Variants in MAP3K10 observed in about 807,000 individuals in gnomAD.
MAP3K10 encodes mitogen-activated protein kinase kinase kinase 10, also known as MKN28 derived nonreceptor_type serine/threonine kinase.
In MAP3K10, 22 loss-of-function variants were observed where a neutral mutation model predicts 75.0. The ratio of observed to expected loss-of-function variants is 0.29; its 90% CI spans 0.21 to 0.42. MAP3K10 has a LOEUF of 0.42. Among genes scored for constraint, MAP3K10 ranks in the 10% least tolerant of loss-of-function variants. The probability of loss-of-function intolerance (pLI) is 1.00; values close to 1 mark genes in which losing one functional copy is unlikely to be tolerated. For missense variants in MAP3K10, 1,165 were observed against 1,379.8 expected, an observed-to-expected ratio of 0.84 and a Z score of 2.47; for synonymous variants, 599 against 612.9, an observed-to-expected ratio of 0.98 and a Z score of 0.34.
rs1599895404 is a variant in MAP3K10 at position 40,191,838 on chromosome 19, A to C, written c.-194A>C. 2 of 94,056 alleles carry C rather than the reference A, an allele frequency of 2.1e-5. No individual in the cohort carries two copies. The highest frequency in any genetic ancestry group is 3.6e-4 in the South Asian group (1 of 2,758). The allele number at this position is 94,056 out of a possible 1,614,324, so 5.8% of individuals were successfully genotyped here. A position where few individuals can be genotyped will look rare whatever the true frequency, so the allele number is the denominator to read the frequency against. On this transcript the variant is annotated 5_prime_UTR_variant, in exon 1 of 10. Coordinates refer to ENST00000253055, the MANE Select transcript of MAP3K10 (RefSeq NM_002446.4). ...CCCGCCCCGCCCCGCCCGTACAGCC[A>C]AATCGGAAGGGACGAGCCTGCCCTT...
At chr19:40,206,756 G>A (rs1250582914) in intron 5 of MAP3K10, among the ~76,000 whole-genome samples, 2 of 152,132 alleles carry the variant, frequency 1.3e-5, no homozygotes, top group Non-Finnish European at 2.9e-5. Flanking sequence ...ACTTAGGACA[G>A]TCACTTCTGA....
At position 40,191,581 on chromosome 19, in the gene MAP3K10, C is replaced by G. The variant is rs2145062088; in HGVS notation, c.-451C>G. 6.8e-6 allele frequency among the ~76,000 whole-genome samples: 1 copy of G among 146,936 alleles called. No individual in the cohort carries two copies. Among genetic ancestry groups the G allele is most frequent in the Middle Eastern group, 3.4e-3 (1 of 290 alleles). ...GCCACCCCGGCCCGGGGCGGCCGCC[C>G]CAGGGGCCCCGCCACCCCCGCCCGG... On this transcript the variant is annotated 5_prime_UTR_variant, in exon 1 of 10. Transcript: ENST00000253055.
chr19:40,191,935 C>T lies in MAP3K10; in HGVS notation c.-97C>T, dbSNP rs1972821422. 2.5e-6 allele frequency: 2 copies of T among 791,100 alleles called. No individual in the cohort carries two copies. Among genetic ancestry groups the T allele is most frequent in the African/African-American group, 3.7e-5 (2 of 53,922 alleles). The allele number at this position is 791,100 out of a possible 1,614,324, so 49.0% of individuals were successfully genotyped here. A position where few individuals can be genotyped will look rare whatever the true frequency, so the allele number is the denominator to read the frequency against. On this transcript the variant is annotated 5_prime_UTR_variant, in exon 1 of 10. Transcript: ENST00000253055. ...GCCCTCAGGAGCTCCCTAGACCCCG[C>T]AGGGACTGCCCTCCATCCCGGCCGC...
At chr19:40,209,788 C>T (rs996780398) in intron 6 of MAP3K10, among the ~76,000 whole-genome samples, 2 of 152,028 alleles carry the variant, frequency 1.3e-5, no homozygotes, top group African/African-American at 2.4e-5. Flanking sequence ...ATGTATTAAT[C>T]GGAGTTCTTC....
In MAP3K10 at chr19:40,198,454, G is replaced by A. The variant is rs1037603510; in HGVS notation, c.762G>A (p.Glu254=). 1.2e-6 allele frequency: 2 copies of A among 1,614,080 alleles called. No homozygotes were observed. Among genetic ancestry groups the A allele is most frequent in the Admixed American group, 1.7e-5 (1 of 59,994 alleles). Residue 254 remains glutamate (E), a synonymous_variant, in exon 2 of 10, where the codon GAG becomes GAA. Transcript: ENST00000253055. This position sits in a 1 kb window ranked among gnomAD's most constrained non-coding sequence, Gnocchi z 4.3. The part of the protein sequence containing the change: ...LKITDFGLAR[E]WHKTTKMSAA... ...TCACGGACTTCGGCCTCGCCCGCGA[G>A]TGGCACAAGACCACCAAGATGAGCG...
chr19:40,204,973 T>A lies in MAP3K10; in HGVS notation c.1013-148T>A. The A allele has an allele frequency of 1.3e-6, 1 of 766,192 alleles. No homozygotes were observed. The highest frequency in any genetic ancestry group is 1.7e-5 in the South Asian group (1 of 59,948). The allele number at this position is 766,192 out of a possible 1,614,324, so 47.5% of individuals were successfully genotyped here. The stretch of plus-strand genomic sequence containing the variant: ...CACTGAGTGGAATTGGCCAGGAGCT[T>A]GGCTTTGAATCCCTTCCCCTCAGCT... On this transcript the variant is annotated intron_variant, in intron 3 of 9. Transcript: ENST00000253055. This position sits in a 1 kb window ranked among gnomAD's most constrained non-coding sequence, Gnocchi z 4.3.
At chr19:40,209,595 A>G (rs1973196742) in intron 6 of MAP3K10, among the ~76,000 whole-genome samples, 1 of 151,748 alleles carries the variant, frequency 6.6e-6, no homozygotes, top group Non-Finnish European at 1.5e-5. Flanking sequence ...TGTATTTTTA[A>G]TAGAGATGGG....
At position 40,191,475 on chromosome 19, in the gene MAP3K10, A is replaced by G. The variant is rs1048283991; in HGVS notation, c.-557A>G. Among the ~76,000 whole-genome samples the G allele has an allele frequency of 6.7e-6, 1 of 149,810 alleles. No individual in the cohort carries two copies. Among genetic ancestry groups the G allele is most frequent in the Non-Finnish European group, 1.5e-5 (1 of 67,314 alleles). On this transcript the variant is annotated 5_prime_UTR_variant, in exon 1 of 10. Coordinates refer to ENST00000253055, the MANE Select transcript of MAP3K10 (RefSeq NM_002446.4). ...CGGGGAAGCAGCACGGGCGGGGGGC[A>G]GGGGCTGGGGCCGACCGGGAGGCCG... is the stretch of plus-strand genomic sequence containing the variant.
Position 40,213,903 on chromosome 19 carries a change from C to T in MAP3K10, c.2224C>T (p.Pro742Ser), listed in dbSNP as rs759718380. 3.1e-5 allele frequency: 47 copies of T among 1,504,146 alleles called. No individual in the cohort carries two copies. The highest frequency in any genetic ancestry group is 4.0e-5 in the Non-Finnish European group (45 of 1,133,672). The allele number at this position is 1,504,146 out of a possible 1,614,324, so 93.2% of individuals were successfully genotyped here. Residue 742 changes from proline (P) to serine (S), a missense_variant, in exon 9 of 10, where the codon CCC becomes TCC. By Grantham distance (74) the Pro-to-Ser change is moderately conservative. This residue lies in a region of MAP3K10 where 590 missense variants were observed against 586.6 expected (regional missense o/e 1.01). Transcript: ENST00000253055. The surrounding 1 kb of genome is among the most constrained non-coding windows in gnomAD (Gnocchi z 5.7). ...EDVGPGLGLA[P>S]SATLVSLSSV... ...CGTGGGCCCCGGCCTGGGCCTGGCG[C>T]CCTCGGCCACCCTCGTGTCGCTGTC...
intron 1 of MAP3K10, among the ~76,000 whole-genome samples, chr19:40,196,210 C>G (rs758128480): frequency 2.0e-5 from 3 of 152,058 alleles, no homozygotes; most frequent in Non-Finnish European, 4.4e-5. Flanking sequence ...TTTGGAGCCT[C>G]TATGTGATAG....
At chr19:40,214,768 C>A (rs971799969) in intron 9 of MAP3K10, among the ~76,000 whole-genome samples, 1 of 152,114 alleles carries the variant, frequency 6.6e-6, no homozygotes, top group Non-Finnish European at 1.5e-5. Flanking sequence ...CAGGGTCCAC[C>A]CAGAGGAGCA....
intron 2 of MAP3K10, among the ~76,000 whole-genome samples, chr19:40,202,289 C>G (rs891814369): frequency 6.6e-6 from 1 of 152,194 alleles, no homozygotes; most frequent in African/African-American, 2.4e-5. Flanking sequence ...ATCCGCCCGC[C>G]TCGGCCTCCC....
chr19:40,214,033 C>T lies in MAP3K10; in HGVS notation c.2354C>T (p.Pro785Leu). ...SPPPSPPAPT[P>L]TPSPSTNPLV... ...CCACCCTCCCCGCCCGCGCCCACAC[C>T]CACGCCCTCGCCCAGCACCAACCCC... is the stretch of plus-strand genomic sequence containing the variant. Residue 785 changes from proline (P) to leucine (L), a missense_variant, in exon 9 of 10, where the codon CCC becomes CTC. Pro to Leu is a moderately conservative substitution (Grantham distance 98, BLOSUM62 -3). This residue lies in a region of MAP3K10 where 590 missense variants were observed against 586.6 expected (regional missense o/e 1.01). Transcript: ENST00000253055. 5 of 1,530,782 alleles carry T rather than the reference C, an allele frequency of 3.3e-6. No individual in the cohort carries two copies. Among genetic ancestry groups the T allele is most frequent in the Non-Finnish European group, 4.4e-6 (5 of 1,144,542 alleles). The allele number at this position is 1,530,782 out of a possible 1,614,324, so 94.8% of individuals were successfully genotyped here.
Position 40,198,704 on chromosome 19 carries a change from C to A in MAP3K10, c.863+149C>A. On this transcript the variant is annotated intron_variant, in intron 2 of 9. Transcript: ENST00000253055. The surrounding 1 kb of genome is among the most constrained non-coding windows in gnomAD (Gnocchi z 4.3). ...GCAAGGTCAGGCCACCAGACAAGTGCCAGTTACCTGTTCAGCTAGCACAAA... is the reference window on the plus strand; with the variant it reads ...GCAAGGTCAGGCCACCAGACAAGTGACAGTTACCTGTTCAGCTAGCACAAA... The A allele has an allele frequency of 1.4e-6, 1 of 729,930 alleles. No homozygotes were observed. Among genetic ancestry groups the A allele is most frequent in the Non-Finnish European group, 2.2e-6 (1 of 453,996 alleles). The allele number at this position is 729,930 out of a possible 1,614,324, so 45.2% of individuals were successfully genotyped here.
rs1239623555 is a variant in MAP3K10 at position 40,205,162 on chromosome 19, A to G, written c.1054A>G (p.Ser352Gly). 1.2e-6 allele frequency: 2 copies of G among 1,613,938 alleles called. No individual in the cohort carries two copies. The highest frequency in any genetic ancestry group is 1.7e-5 in the Admixed American group (1 of 60,014). ...PDPHGRPDFG[S>G]ILKRLEVIEQ... Reference sequence around the variant, plus strand: ...CCCCCACGGGCGGCCAGATTTCGGTAGCATCTTGAAGCGGCTTGAAGTCAT... The same window carrying G: ...CCCCCACGGGCGGCCAGATTTCGGTGGCATCTTGAAGCGGCTTGAAGTCAT... The change falls in exon 4 of 10, where the codon AGC becomes GGC. Residue 352 changes from serine to glycine, a missense_variant. Around this residue, in one of 2 missense-constraint regions of MAP3K10, gnomAD observed 575 missense variants for 793.2 expected, o/e 0.72. Transcript: ENST00000253055. The surrounding 1 kb of genome is among the most constrained non-coding windows in gnomAD (Gnocchi z 4.3).
At chr19:40,211,013 C>T (rs901512371) in intron 6 of MAP3K10, among the ~76,000 whole-genome samples, 33 of 152,160 alleles carry the variant, frequency 2.2e-4, no homozygotes, top group African/African-American at 7.0e-4. Context: ...GTCAAGTTGA[C>T]GCATAAAATT....
At chr19:40,195,518 T>G (rs2145068782) in intron 1 of MAP3K10, among the ~76,000 whole-genome samples, 1 of 106,412 alleles carries the variant, frequency 9.4e-6, no homozygotes, top group African/African-American at 3.6e-5. Flanking sequence ...TGAGACAGAG[T>G]CATCTCACTC....
Position 40,198,637 on chromosome 19 carries a change from C to T in MAP3K10, c.863+82C>T, listed in dbSNP as rs749275053. 332 of 1,369,692 alleles carry T rather than the reference C, an allele frequency of 2.4e-4. No homozygotes were observed. The highest frequency in any genetic ancestry group is 2.9e-4 in the Non-Finnish European group (298 of 1,010,178). 84.8% of individuals were successfully genotyped at this position (1,369,692 alleles called of 1,614,324 possible). A position where few individuals can be genotyped will look rare whatever the true frequency, so the allele number is the denominator to read the frequency against. ...GAGGGCAGAGTGGGAGGGAGGGTCT[C>T]CTGCTGAAGCCAGGATCTCAGTCTG... On this transcript the variant is annotated intron_variant, in intron 2 of 9. Transcript: ENST00000253055. This position sits in a 1 kb window ranked among gnomAD's most constrained non-coding sequence, Gnocchi z 4.3.
Position 40,204,411 on chromosome 19 carries a change from C to A in MAP3K10, c.864-74C>A, listed in dbSNP as rs1973077081. 6.5e-7 allele frequency: 1 copy of A among 1,528,970 alleles called. No individual in the cohort carries two copies. Among genetic ancestry groups the A allele is most frequent in the Non-Finnish European group, 8.8e-7 (1 of 1,132,638 alleles). The allele number at this position is 1,528,970 out of a possible 1,614,324, so 94.7% of individuals were successfully genotyped here. ...GGGGTGAGGGCAGCCCTGCATGGGA[C>A]CAAGGGCAGGGCTGGGTATAGGTGA... On this transcript the variant is annotated intron_variant, in intron 2 of 9. Transcript: ENST00000253055. The surrounding 1 kb of genome is among the most constrained non-coding windows in gnomAD (Gnocchi z 4.3).
Sources: allele counts gnomAD v4.1 joint callset (sites outside exome capture counted in the v4.1 genomes callset), GRCh38; gene constraint gnomAD v4.1.1; regional missense constraint gnomAD v4.1.1; non-coding constraint Gnocchi (gnomAD v3.1); transcripts MANE v1.5; gene names NCBI Gene and HGNC (gene_info 2026-07-23, HGNC 2026-07-21).